The following SLC44A2 variants were observed in gnomAD, a reference collection of about 807,000 sequenced individuals.
The protein encoded by SLC44A2 is choline transporter-like protein 2.
A neutral mutation model predicts 90.8 loss-of-function variants in SLC44A2; 57 were observed. That is an observed-to-expected ratio of 0.63 (90% CI 0.51 to 0.78). SLC44A2 has a LOEUF of 0.78. Among genes scored for constraint, SLC44A2 ranks in the 30% least tolerant of loss-of-function variants. The probability of loss-of-function intolerance (pLI) is 0.00; values close to 1 mark genes in which losing one functional copy is unlikely to be tolerated. For synonymous variants in SLC44A2, 355 were observed against 360.7 expected (o/e 0.98, Z 0.18); for missense variants, 794 against 919.7 (o/e 0.86, Z 1.77).
chr19:10,602,642 C>A, intron 1 of SLC44A2: 1 of 1,198,278 alleles, frequency 8.3e-7, no homozygotes, highest in Non-Finnish European at 1.1e-6. Context: ...ATCTGAGACC[C>A]TAGGCACCGG....
intron 1 of SLC44A2, among the ~76,000 whole-genome samples, chr19:10,614,602 G>T (rs972683176): frequency 6.6e-6 from 1 of 152,084 alleles, no homozygotes; most frequent in African/African-American, 2.4e-5. Flanking sequence ...TTAGCCTTAC[G>T]GACAACATAT....
chr19:10,641,977 T>G (rs1757803828), intron 20 of SLC44A2, among the ~76,000 whole-genome samples: 1 of 151,632 alleles, frequency 6.6e-6, no homozygotes, highest in Non-Finnish European at 1.5e-5. Context: ...CTGGCCAACA[T>G]GGTGAAACCC....
rs372502995 is a variant in SLC44A2, at chr19:10,631,545, G to C, written c.502+10G>C. 26 of 1,613,866 alleles carry C rather than the reference G, an allele frequency of 1.6e-5. No individual in the cohort carries two copies. In the East Asian group the frequency reaches 4.5e-4, roughly 28 times the overall value. On this transcript the variant is annotated intron_variant, in intron 7 of 21. Transcript: ENST00000335757. ...ATCCCCAGCAAACCCTGTGAGTCAG[G>C]GGATCCCAGGAGGCTCAGGTGGTGA... is the stretch of plus-strand genomic sequence containing the variant.
chr19:10,630,745 T>C (rs2066984922), intron 4 of SLC44A2, among the ~76,000 whole-genome samples: 3 of 151,572 alleles, frequency 2.0e-5, no homozygotes. Context: ...GGCTTACACC[T>C]GTAATACCAA....
At chr19:10,607,860 C>T (rs1379275553) in intron 1 of SLC44A2, among the ~76,000 whole-genome samples, 1 of 150,584 alleles carries the variant, frequency 6.6e-6, no homozygotes, top group African/African-American at 2.4e-5. Flanking sequence ...ATTCTCCTGC[C>T]TCAGCCTCCC....
upstream of SLC44A2, among the ~76,000 whole-genome samples, chr19:10,623,205 G>C (rs1298219029): frequency 6.6e-6 from 1 of 152,040 alleles, no homozygotes; most frequent in African/African-American, 2.4e-5. Flanking sequence ...GCTTCTTTAG[G>C]AGTCTGGGTC....
At position 10,618,958 on chromosome 19, in the gene SLC44A2, CTTTTTTT is replaced by C. The variant is rs772955506; in HGVS notation, c.32-7278_32-7272del. 6.0e-3 allele frequency among the ~76,000 whole-genome samples: 605 copies of C among 100,084 alleles called. 2 individuals are homozygous for C. Among genetic ancestry groups the C allele is most frequent in the African/African-American group, 0.021 (553 of 26,894 alleles). 65.7% of individuals were successfully genotyped at this position (100,084 alleles called of 152,430 possible). ...TTCTACATGTATCATGTATACAATT[CTTTTTTT>C]TTTTTTTTTTTTTTTTGGATACAGG... On this transcript the variant is annotated intron_variant, in intron 1 of 21. Coordinates refer to the SLC44A2 transcript ENST00000407327.
Position 10,612,736 on chromosome 19 carries a change from C to T in SLC44A2, c.31+10175C>T, listed in dbSNP as rs559145318. 9.2e-5 allele frequency among the ~76,000 whole-genome samples: 14 copies of T among 152,344 alleles called. No individual in the cohort carries two copies. The South Asian group carries it at 2.5e-3, about 27-fold the overall frequency. ...GCTGTGGCAGTTCTCTTATCGCCCA[C>T]GCCCACTGCACTTGGGTGGGTCAGC... is the stretch of plus-strand genomic sequence containing the variant. On this transcript the variant is annotated intron_variant, in intron 1 of 21. Transcript: ENST00000407327.
In SLC44A2 at chr19:10,631,950, A is replaced by G. The variant is rs773858163; in HGVS notation, c.709A>G (p.Ile237Val). 4 of 1,614,166 alleles carry G rather than the reference A, an allele frequency of 2.5e-6. No individual in the cohort carries two copies. In the Middle Eastern group the frequency reaches 4.9e-4, roughly 200 times the overall value. ...CACCGTCTCTTGGTACTGGATTATC[A>G]TGTAAGTCAGGAGGGAAGGGGCCTC... The part of the protein sequence containing the change: ...DYTVSWYWII[I>V]GLVIAMAMSL... Residue 237 changes from isoleucine to valine, a missense_variant and splice_region_variant, in exon 9 of 22, where the codon ATA becomes GTA. Around this residue, in one of 3 missense-constraint regions of SLC44A2, gnomAD observed 738 missense variants for 841.1 expected, o/e 0.88. Coordinates refer to ENST00000335757, the MANE Select transcript of SLC44A2 (RefSeq NM_020428.4).
intron 4 of SLC44A2, among the ~76,000 whole-genome samples, chr19:10,629,663 G>A (rs1000910482): frequency 2.0e-5 from 3 of 151,934 alleles, no homozygotes; most frequent in African/African-American, 4.8e-5. Context: ...CTACAGCCTG[G>A]AACTCCTGGG....
At chr19:10,610,599 C>G (rs182468411) in intron 1 of SLC44A2, among the ~76,000 whole-genome samples, 3,461 of 140,902 alleles carry the variant, frequency 0.025, 143 homozygotes, top group African/African-American at 0.087. Flanking sequence ...TCCCAAAGTG[C>G]TGGGATTACA....
upstream of SLC44A2, among the ~76,000 whole-genome samples, chr19:10,623,115 G>A (rs973417104): frequency 2.6e-5 from 4 of 151,880 alleles, no homozygotes; most frequent in African/African-American, 4.8e-5. Flanking sequence ...CCTGTGGCTC[G>A]CTCTCTTTGT....
chr19:10,602,584 G>A, intron 1 of SLC44A2: 1 of 1,264,742 alleles, frequency 7.9e-7, no homozygotes, highest in South Asian at 3.1e-5. Flanking sequence ...TCCGGTCAGG[G>A]GCCGCCTCTG....
intron 21 of SLC44A2, 42 bp downstream of exon 21, chr19:10,642,493 C>T (rs1253491455): frequency 2.5e-6 from 4 of 1,578,242 alleles, no homozygotes; most frequent in Non-Finnish European, 3.5e-6. Context: ...GCCCCGAATC[C>T]CTTCTTTCCA....
intron 2 of SLC44A2, among the ~76,000 whole-genome samples, chr19:10,627,320 C>CA (rs538878754): frequency 0.057 from 6,294 of 110,600 alleles, 374 homozygotes; most frequent in African/African-American, 0.16. Flanking sequence ...GATTCCCTCT[C>CA]AAAAAAAAAA....
At chr19:10,621,575 C>G (rs528189153), upstream of SLC44A2, among the ~76,000 whole-genome samples, 73 of 151,782 alleles carry the variant, frequency 4.8e-4, no homozygotes, top group African/African-American at 1.7e-3. Flanking sequence ...TCCCAAGTTG[C>G]TGGGACTACA....
At chr19:10,633,655 CT>C (rs1390761207) in intron 10 of SLC44A2, among the ~76,000 whole-genome samples, 3 of 152,134 alleles carry the variant, frequency 2.0e-5, no homozygotes, top group Non-Finnish European at 2.9e-5. Context: ...CAGGTTCTCC[CT>C]ATGTGGCCCA....
At chr19:10,607,784 C>T (rs1363522677) in intron 1 of SLC44A2, among the ~76,000 whole-genome samples, 4 of 146,058 alleles carry the variant, frequency 2.7e-5, no homozygotes, top group Admixed American at 6.9e-5. Flanking sequence ...CTCACTCTGT[C>T]GCTCAGGCTG....
In SLC44A2 at chr19:10,636,599, GC is replaced by G. The variant is rs760178100; in HGVS notation, c.1496+15del. On this transcript the variant is annotated intron_variant, in intron 15 of 21. Transcript: ENST00000335757. ...CCGGGCGCTCAGGTGGGCTGGCGTT[GC>G]AGGCAGGATGGGGTGGAGGACGAGG... 1.4e-4 allele frequency: 218 copies of G among 1,604,316 alleles called. No homozygotes were observed. The highest frequency in any genetic ancestry group is 2.0e-4 in the Admixed American group (12 of 59,772).
Sources: allele counts gnomAD v4.1 joint callset (sites outside exome capture counted in the v4.1 genomes callset), GRCh38; gene constraint gnomAD v4.1.1; regional missense constraint gnomAD v4.1.1; transcripts MANE v1.5; gene names NCBI Gene and HGNC (gene_info 2026-07-23, HGNC 2026-07-21).